ZNF438: variants seen among roughly 807,000 people sequenced by gnomAD.
ZNF438 encodes the protein zinc finger protein 438.
Under a neutral mutation model 38.0 loss-of-function variants are expected in ZNF438, and 25 were observed. The observed-to-expected ratio is 0.66, with a 90% CI of 0.48 to 0.92. The LOEUF is 0.92. ZNF438 is among the 40% of genes least tolerant of loss of function. ZNF438 has a pLI of 0.00. For missense variants in ZNF438, 1,007 were observed against 999.6 expected (o/e 1.01, Z -0.10); for synonymous variants, 372 against 364.1 (o/e 1.02, Z -0.25).
chr10:30,935,263 A>G (rs1333857886), intron 2 of ZNF438, among the ~76,000 whole-genome samples: 2 of 152,226 alleles, frequency 1.3e-5, no homozygotes, highest in Non-Finnish European at 2.9e-5. Context: ...TGCTATAAAT[A>G]TGTCAGGCTG....
chr10:30,917,794 A>G (rs1589184584), intron 2 of ZNF438, among the ~76,000 whole-genome samples: 1 of 152,074 alleles, frequency 6.6e-6, no homozygotes, highest in East Asian at 1.9e-4. Context: ...TGATAAACAC[A>G]AGTTTGGTTT....
intron 3 of ZNF438, among the ~76,000 whole-genome samples, chr10:30,898,286 A>G (rs1465241821): frequency 2.0e-5 from 3 of 152,208 alleles, no homozygotes. Flanking sequence ...CAACAAGAAT[A>G]AAGTAGATCT....
chr10:30,976,617 C>T (rs1330353109), intron 1 of ZNF438, among the ~76,000 whole-genome samples: 1 of 151,958 alleles, frequency 6.6e-6, no homozygotes, highest in Non-Finnish European at 1.5e-5. Flanking sequence ...TGTAGTGGCA[C>T]ACTTATAGTA....
chr10:30,856,366 C>T (rs887157299), intron 4 of ZNF438, among the ~76,000 whole-genome samples: 1 of 151,872 alleles, frequency 6.6e-6, no homozygotes, highest in Non-Finnish European at 1.5e-5. Context: ...TAGAATAACT[C>T]GTGTTTTTTT....
chr10:31,008,305 T>C (rs2055349541), intron 1 of ZNF438, among the ~76,000 whole-genome samples: 1 of 152,216 alleles, frequency 6.6e-6, no homozygotes, highest in African/African-American at 2.4e-5. Context: ...ATAATTCACA[T>C]ACCATGCAAT....
Position 30,949,826 on chromosome 10 carries a change from T to C in ZNF438, c.-191-8175A>G, listed in dbSNP as rs571755167. On this transcript the variant is annotated intron_variant, in intron 1 of 5. Coordinates refer to ENST00000413025, the Ensembl canonical transcript of ZNF438. ...GACTTTAACACCCCACTGTCAACATTAGACAGATCAACGAGACAGAAAGTC... is the reference window on the plus strand; with the variant it reads ...GACTTTAACACCCCACTGTCAACATCAGACAGATCAACGAGACAGAAAGTC... Among the ~76,000 whole-genome samples, 66 of 151,840 alleles carry C rather than the reference T, an allele frequency of 4.3e-4. 1 individual carries two copies. The East Asian group carries it at 0.013, about 29-fold the overall frequency.
chr10:30,994,336 G>A (rs1452499110), intron 1 of ZNF438, among the ~76,000 whole-genome samples: 2 of 152,244 alleles, frequency 1.3e-5, no homozygotes, highest in East Asian at 1.9e-4. Flanking sequence ...GAATGCAGAA[G>A]TATTGAGAAG....
chr10:30,901,812 C>T (rs1297784982), intron 3 of ZNF438, among the ~76,000 whole-genome samples: 1 of 152,098 alleles, frequency 6.6e-6, no homozygotes, highest in Non-Finnish European at 1.5e-5. Flanking sequence ...TTCTTAAAGG[C>T]GGTGTGTCTG....
At chr10:30,963,183 G>T (rs2136069751) in intron 1 of ZNF438, among the ~76,000 whole-genome samples, 1 of 151,874 alleles carries the variant, frequency 6.6e-6, no homozygotes, top group South Asian at 2.1e-4. Flanking sequence ...CCTGAAGTCA[G>T]GAGTTTGAGA....
intron 2 of ZNF438, chr10:30,921,151 T>C (rs1179812031): frequency 6.6e-6 from 1 of 152,174 alleles, no homozygotes; most frequent in Admixed American, 6.5e-5. Flanking sequence ...CCTTTGGAGA[T>C]GGGTATCATG....
At chr10:30,875,579 C>T in intron 4 of ZNF438, 3 of 985,420 alleles carry the variant, frequency 3.0e-6, no homozygotes, top group Non-Finnish European at 3.6e-6. Context: ...CCAAGTGCTG[C>T]ACAAATCTTC....
At chr10:30,950,671 AC>A (rs2048067654) in intron 1 of ZNF438, among the ~76,000 whole-genome samples, 1 of 147,124 alleles carries the variant, frequency 6.8e-6, no homozygotes, top group Non-Finnish European at 1.5e-5. Context: ...ATTCCTTGAC[AC>A]ATACACTCTC....
At chr10:30,967,735 G>T (rs1203991066) in intron 1 of ZNF438, among the ~76,000 whole-genome samples, 1 of 152,194 alleles carries the variant, frequency 6.6e-6, no homozygotes, top group East Asian at 1.9e-4. Flanking sequence ...GCGATTTCTT[G>T]TCTTAAAAAC....
chr10:30,848,932 G>A, exon 5 of ZNF438: 1 of 1,614,194 alleles, frequency 6.2e-7, no homozygotes, highest in Non-Finnish European at 8.5e-7. Flanking sequence ...ACACGGAGCT[G>A]GGCTTAGGGG....
upstream of ZNF438, among the ~76,000 whole-genome samples, chr10:31,032,339 C>A (rs2057341454): frequency 6.6e-6 from 1 of 152,168 alleles, no homozygotes; most frequent in African/African-American, 2.4e-5. Context: ...GGGTCCTCAG[C>A]CCTGAAAAGA....
At chr10:31,009,142 T>G (rs2055419012) in intron 1 of ZNF438, among the ~76,000 whole-genome samples, 1 of 152,336 alleles carries the variant, frequency 6.6e-6, no homozygotes, top group East Asian at 1.9e-4. Flanking sequence ...GAGTTCTTTA[T>G]AAATGTGGAT....
intron 2 of ZNF438, among the ~76,000 whole-genome samples, chr10:30,911,549 C>A (rs1396389759): frequency 6.6e-6 from 1 of 152,130 alleles, no homozygotes; most frequent in Admixed American, 6.5e-5. Context: ...AATACAAAAA[C>A]CACATTTAGA....
chr10:30,924,674 C>A (rs984948703), intron 2 of ZNF438, among the ~76,000 whole-genome samples: 1 of 152,202 alleles, frequency 6.6e-6, no homozygotes, highest in African/African-American at 2.4e-5. Flanking sequence ...ACACCAAACT[C>A]AAATTGATAT....
chr10:30,925,126 G>T (rs2044760526), intron 2 of ZNF438, among the ~76,000 whole-genome samples: 1 of 152,074 alleles, frequency 6.6e-6, no homozygotes, highest in South Asian at 2.1e-4. Flanking sequence ...TAAGTCATTT[G>T]CCAATAATGA....
Sources: gnomAD v4.1 joint callset for allele counts (sites outside exome capture counted in the v4.1 genomes callset) on GRCh38, gnomAD v4.1.1 for gene constraint, MANE v1.5 for transcripts, NCBI Gene and HGNC (gene_info 2026-07-23, HGNC 2026-07-21) for gene names.